Variants in PRPF8 observed in about 807,000 individuals in gnomAD.
PRPF8 encodes pre-mRNA-processing-splicing factor 8.
A neutral mutation model predicts 285.9 loss-of-function variants in PRPF8; 64 were observed. That is an observed-to-expected ratio of 0.22 (90% CI 0.18 to 0.28). The LOEUF is 0.28. Among genes scored for constraint, PRPF8 ranks in the 10% least tolerant of loss-of-function variants. The pLI, the probability that PRPF8 is intolerant of heterozygous loss-of-function variation, is 1.00. For synonymous variants in PRPF8, 1,325 were observed against 1,118.2 expected (o/e 1.18, Z -3.69); for missense variants, 1,426 against 3,026.7 (o/e 0.47, Z 12.41).
rs1912634601 is a variant in PRPF8 at position 1,676,954 on chromosome 17, A to G, written c.2181+22T>C. ...CCTAAAGACGGATGTTTACGCCTCCAAGGAAATAAAGAGACACCCACCTTC... is the reference window on the plus strand; with the variant it reads ...CCTAAAGACGGATGTTTACGCCTCCGAGGAAATAAAGAGACACCCACCTTC... On this transcript the variant is annotated intron_variant, in intron 15 of 42. Transcript: ENST00000304992. The surrounding 1 kb of genome is among the most constrained non-coding windows in gnomAD (Gnocchi z 6.3). The G allele has an allele frequency of 1.9e-6, 3 of 1,612,606 alleles. No homozygotes were observed. The African/African-American group carries it at 4.0e-5, about 22-fold the overall frequency.
intron 24 of PRPF8, among the ~76,000 whole-genome samples, chr17:1,667,712 T>C (rs1297395354): frequency 6.6e-6 from 1 of 152,024 alleles, no homozygotes. Flanking sequence ...CCTGGCTAAT[T>C]TTTGTATTTT....
intron 13 of PRPF8, 119 bp downstream of exon 13, chr17:1,678,399 C>T: frequency 7.5e-7 from 1 of 1,325,252 alleles, no homozygotes; most frequent in Admixed American, 1.7e-5. Context: ...AGGAGAATTG[C>T]TTGAACTCAG....
chr17:1,681,171 T>C, intron 6 of PRPF8, 117 bp from the exon 7 acceptor site: 2 of 1,178,486 alleles, frequency 1.7e-6, no homozygotes. Flanking sequence ...CGTGACCTCC[T>C]GGGCTCAAAC....
Position 1,659,594 on chromosome 17 carries a change from C to G in PRPF8, c.4947-46G>C, listed in dbSNP as rs1911576983. On this transcript the variant is annotated intron_variant, in intron 31 of 42. Coordinates refer to ENST00000304992, the MANE Select transcript of PRPF8 (RefSeq NM_006445.4). This position sits in a 1 kb window ranked among gnomAD's most constrained non-coding sequence, Gnocchi z 5.1. Reference sequence around the variant, plus strand: ...AGCTTCTAAGAAACCATGGGCATAACCAATGTCCCCAGAACCAGAACCACT... The same window carrying G: ...AGCTTCTAAGAAACCATGGGCATAAGCAATGTCCCCAGAACCAGAACCACT... 6.2e-7 allele frequency: 1 copy of G among 1,605,062 alleles called. No homozygotes were observed. Among genetic ancestry groups the G allele is most frequent in the East Asian group, 2.2e-5 (1 of 44,842 alleles).
chr17:1,671,545 A>G (rs1185976171), intron 24 of PRPF8, among the ~76,000 whole-genome samples: 4 of 152,150 alleles, frequency 2.6e-5, no homozygotes, highest in Non-Finnish European at 5.9e-5. Context: ...GTGAGATCCC[A>G]GCTCTACAAA....
Position 1,654,109 on chromosome 17 carries a change from G to C in PRPF8, c.5988-93C>G, listed in dbSNP as rs1027006649. The C allele has an allele frequency of 3.2e-6, 5 of 1,582,878 alleles. No individual in the cohort carries two copies. The African/African-American group carries it at 6.7e-5, about 21-fold the overall frequency. On this transcript the variant is annotated intron_variant, in intron 37 of 42. Transcript: ENST00000304992. The stretch of plus-strand genomic sequence containing the variant: ...GGGTGTAACTTGGTAGGACAGGACA[G>C]CCTATACTCACGCCCCAGACAATCC...
At chr17:1,674,244 G>C (rs1024722738) in intron 21 of PRPF8, among the ~76,000 whole-genome samples, 198 bp downstream of exon 21, 2 of 152,184 alleles carry the variant, frequency 1.3e-5, no homozygotes, top group South Asian at 2.1e-4. Context: ...GGATGGTCTC[G>C]ATCTCCTGAC....
At position 1,653,140 on chromosome 17, in the gene PRPF8, A is replaced by G. The variant is rs2151110902; in HGVS notation, c.6369+402T>C. On this transcript the variant is annotated intron_variant, in intron 39 of 42. Transcript: ENST00000304992. The surrounding 1 kb of genome is among the most constrained non-coding windows in gnomAD (Gnocchi z 4.9). ...TTTTTAGTAGAGACAGGGTTTCACC[A>G]TATTGGTCAGGCTGGTCTCAAACCC... 1 of 342,336 alleles carries G rather than the reference A, an allele frequency of 2.9e-6. No individual in the cohort carries two copies. The highest frequency in any genetic ancestry group is 4.1e-5 in the Admixed American group (1 of 24,590). 21.2% of individuals were successfully genotyped at this position (342,336 alleles called of 1,614,324 possible).
intron 24 of PRPF8, among the ~76,000 whole-genome samples, chr17:1,662,823 T>G (rs1290229970): frequency 3.0e-5 from 4 of 134,872 alleles, no homozygotes; most frequent in African/African-American, 5.9e-5. Context: ...AGAGCAAGAC[T>G]GTGTCTCAAA....
Position 1,658,432 on chromosome 17 carries a change from C to T in PRPF8, c.5377-51G>A, listed in dbSNP as rs749751075. 1.2e-6 allele frequency: 2 copies of T among 1,614,220 alleles called. No individual in the cohort carries two copies. Among genetic ancestry groups the T allele is most frequent in the South Asian group, 1.1e-5 (1 of 91,086 alleles). On this transcript the variant is annotated intron_variant, in intron 33 of 42. Coordinates refer to ENST00000304992, the MANE Select transcript of PRPF8 (RefSeq NM_006445.4). This position sits in a 1 kb window ranked among gnomAD's most constrained non-coding sequence, Gnocchi z 4.1. The stretch of plus-strand genomic sequence containing the variant: ...ATGGCCTACACAACACATCCCCATC[C>T]TGCCTTCTTCCCAGCATGTGTACAC...
intron 20 of PRPF8, 136 bp from the exon 21 acceptor site, chr17:1,674,816 G>T: frequency 1.1e-6 from 1 of 937,540 alleles, no homozygotes; most frequent in Non-Finnish European, 1.7e-6. Flanking sequence ...AGTCACCCAG[G>T]CTGAGAGTGC....
Position 1,653,463 on chromosome 17 carries a change from C to G in PRPF8, c.6369+79G>C. 6.3e-7 allele frequency: 1 copy of G among 1,575,096 alleles called. No individual in the cohort carries two copies. On this transcript the variant is annotated intron_variant, in intron 39 of 42. Coordinates refer to ENST00000304992, the MANE Select transcript of PRPF8 (RefSeq NM_006445.4). The surrounding 1 kb of genome is among the most constrained non-coding windows in gnomAD (Gnocchi z 4.9). Reference sequence around the variant, plus strand: ...AATCTTGAAACCAGCATCTCAAGTTCCAGACAATCTCAGGTCTGAGTTTTA... The same window carrying G: ...AATCTTGAAACCAGCATCTCAAGTTGCAGACAATCTCAGGTCTGAGTTTTA...
At position 1,673,920 on chromosome 17, in the gene PRPF8, G is replaced by A; in HGVS notation, c.3300-28C>T. On this transcript the variant is annotated intron_variant, in intron 21 of 42. Transcript: ENST00000304992. The surrounding 1 kb of genome is among the most constrained non-coding windows in gnomAD (Gnocchi z 5.5). The stretch of plus-strand genomic sequence containing the variant: ...ACACCAGACCAGGTACACTGCTGAG[G>A]CCCCAGTACACTGAGATTTGGGACA... The A allele has an allele frequency of 1.2e-6, 2 of 1,608,852 alleles. No homozygotes were observed. Among genetic ancestry groups the A allele is most frequent in the Non-Finnish European group, 8.5e-7 (1 of 1,179,968 alleles).
intron 24 of PRPF8, 126 bp from the exon 25 acceptor site, chr17:1,662,279 T>C (rs1337856893): frequency 1.8e-6 from 2 of 1,114,178 alleles, no homozygotes; most frequent in Non-Finnish European, 2.6e-6. Flanking sequence ...CATTAGTCAC[T>C]AGGGAAATAG....
chr17:1,657,645 C>CAAAA, intron 34 of PRPF8, among the ~76,000 whole-genome samples: 1 of 48,132 alleles, frequency 2.1e-5, no homozygotes, highest in South Asian at 7.1e-4. Context: ...GACTCCGTCT[C>CAAAA]AAAAAAAAAA....
chr17:1,651,792 G>C lies in PRPF8; in HGVS notation c.6370-4C>G, dbSNP rs760932844. On this transcript the variant is annotated splice_polypyrimidine_tract_variant and splice_region_variant and intron_variant, in intron 39 of 42. Coordinates refer to ENST00000304992, the MANE Select transcript of PRPF8 (RefSeq NM_006445.4). The surrounding 1 kb of genome is among the most constrained non-coding windows in gnomAD (Gnocchi z 5.1). ...CCCCATATAGGTATCCTGCAATCTGGAGACAAAGGGGTCAGGAACCAAAAC... is the reference window on the plus strand; with the variant it reads ...CCCCATATAGGTATCCTGCAATCTGCAGACAAAGGGGTCAGGAACCAAAAC... The C allele has an allele frequency of 1.9e-6, 3 of 1,614,090 alleles. No homozygotes were observed. The highest frequency in any genetic ancestry group is 4.5e-5 in the East Asian group (2 of 44,880).
intron 34 of PRPF8, among the ~76,000 whole-genome samples, chr17:1,657,645 C>CAAA (rs71150803): frequency 8.3e-5 from 4 of 48,086 alleles, no homozygotes; most frequent in African/African-American, 2.7e-4. Context: ...GACTCCGTCT[C>CAAA]AAAAAAAAAA....
At position 1,661,960 on chromosome 17, in the gene PRPF8, C is replaced by T; in HGVS notation, c.3968G>A (p.Gly1323Asp). The T allele has an allele frequency of 6.2e-7, 1 of 1,614,156 alleles. No individual in the cohort carries two copies. The highest frequency in any genetic ancestry group is 1.1e-5 in the South Asian group (1 of 91,084). Residue 1323 changes from glycine to aspartate, a missense_variant, in exon 25 of 43, where the codon GGT (glycine) becomes GAT (aspartate). By Grantham distance (94) the Gly-to-Asp change is moderately conservative. Around this residue, in one of 34 missense-constraint regions of PRPF8, gnomAD observed 25 missense variants for 106.8 expected, o/e 0.23. Coordinates refer to ENST00000304992, the MANE Select transcript of PRPF8 (RefSeq NM_006445.4). This position sits in a 1 kb window ranked among gnomAD's most constrained non-coding sequence, Gnocchi z 7.3. Reference sequence around the variant, plus strand: ...GCCCATTGAGAGCATGCCGAGTCCACCCAACTCCTTAGGGGTGTAGAACAC... The same window carrying T: ...GCCCATTGAGAGCATGCCGAGTCCATCCAACTCCTTAGGGGTGTAGAACAC... ...PVVFYTPKEL[G>D]GLGMLSMGHV...
Position 1,676,918 on chromosome 17 carries a change from G to C in PRPF8, c.2181+58C>G. The C allele has an allele frequency of 1.3e-6, 2 of 1,592,508 alleles. No homozygotes were observed. Among genetic ancestry groups the C allele is most frequent in the Non-Finnish European group, 1.7e-6 (2 of 1,165,250 alleles). ...ATAGCCCCCTAATGATTCCCGAAGT[G>C]GTAATCCTACCCTAAAGACGGATGT... On this transcript the variant is annotated intron_variant, in intron 15 of 42. Transcript: ENST00000304992. The surrounding 1 kb of genome is among the most constrained non-coding windows in gnomAD (Gnocchi z 6.3).
Sources: allele counts gnomAD v4.1 joint callset (sites outside exome capture counted in the v4.1 genomes callset), GRCh38; gene constraint gnomAD v4.1.1; regional missense constraint gnomAD v4.1.1; non-coding constraint Gnocchi (gnomAD v3.1); transcripts MANE v1.5; gene names NCBI Gene and HGNC (gene_info 2026-07-23, HGNC 2026-07-21).